The following GRB10 variants were observed in gnomAD, a reference collection of about 807,000 sequenced individuals.
GRB10 encodes the protein growth factor receptor-bound protein 10.
In GRB10, 20 loss-of-function variants were observed where a neutral mutation model predicts 80.9. The ratio of observed to expected loss-of-function variants is 0.25; its 90% CI spans 0.17 to 0.36. The LOEUF (loss-of-function observed/expected upper bound fraction) is 0.36, where lower values mean the gene tolerates loss of function less well. Ranked by LOEUF, GRB10 falls within the 10% of genes least tolerant of loss-of-function variation. The probability of loss-of-function intolerance (pLI) is 1.00; values close to 1 mark genes in which losing one functional copy is unlikely to be tolerated. For missense variants in GRB10, 548 were observed against 747.7 expected, an observed-to-expected ratio of 0.73 and a Z score of 3.12; for synonymous variants, 291 against 291.5, an observed-to-expected ratio of 1.00 and a Z score of 0.02.
At chr7:50,651,950 G>A (rs532212843) in intron 7 of GRB10, among the ~76,000 whole-genome samples, 73 of 152,288 alleles carry the variant, frequency 4.8e-4, no homozygotes, top group African/African-American at 1.7e-3. Context: ...CCCTGCTGAC[G>A]ACCCTCACTG....
chr7:50,737,627 T>A (rs2071030181), intron 3 of GRB10, among the ~76,000 whole-genome samples: 1 of 152,202 alleles, frequency 6.6e-6, no homozygotes, highest in Non-Finnish European at 1.5e-5. Flanking sequence ...GGCAGGTGGA[T>A]CACCTGAGGT....
intron 5 of GRB10, among the ~76,000 whole-genome samples, chr7:50,678,242 C>A (rs1008274034): frequency 2.0e-5 from 3 of 152,192 alleles, no homozygotes; most frequent in Non-Finnish European, 4.4e-5. Flanking sequence ...AATATAAACA[C>A]AACACATATC....
intron 2 of GRB10, among the ~76,000 whole-genome samples, chr7:50,771,118 T>C (rs988006976): frequency 1.3e-5 from 2 of 152,216 alleles, no homozygotes; most frequent in Admixed American, 1.3e-4. Flanking sequence ...TCTTAGTTTT[T>C]ATGGAGTAAG....
intron 7 of GRB10, among the ~76,000 whole-genome samples, chr7:50,661,779 C>T (rs75610937): frequency 0.021 from 3,230 of 152,288 alleles, 50 homozygotes; most frequent in Middle Eastern, 0.041. Flanking sequence ...GCCCTTGCCA[C>T]CACTTCACAT....
At chr7:50,756,296 C>T (rs2075075490) in intron 2 of GRB10, among the ~76,000 whole-genome samples, 1 of 152,246 alleles carries the variant, frequency 6.6e-6, no homozygotes, top group Non-Finnish European at 1.5e-5. Context: ...GCTCTACGCT[C>T]ACTGCCCACA....
intron 17 of GRB10, among the ~76,000 whole-genome samples, chr7:50,597,069 C>A (rs1190157910): frequency 6.6e-6 from 1 of 152,160 alleles, no homozygotes; most frequent in Non-Finnish European, 1.5e-5. Context: ...AGATGGAAAG[C>A]AGTTAAATAA....
rs555527058 is a variant in GRB10 at position 50,748,941 on chromosome 7, A to C, written c.-47+6946T>G. Among the ~76,000 whole-genome samples, 8 of 152,298 alleles carry C rather than the reference A, an allele frequency of 5.3e-5. No homozygotes were observed. In the South Asian group the frequency reaches 1.7e-3, roughly 32 times the overall value. On this transcript the variant is annotated intron_variant, in intron 3 of 18. Coordinates refer to ENST00000401949, the MANE Select transcript of GRB10 (RefSeq NM_001350814.2). ...AAATCAGAACCTCTACTTTATAAAGAGGTGCTACATTAAAAGACATATTAA... is the reference window on the plus strand; with the variant it reads ...AAATCAGAACCTCTACTTTATAAAGCGGTGCTACATTAAAAGACATATTAA...
intron 3 of GRB10, among the ~76,000 whole-genome samples, chr7:50,735,724 A>T (rs975352841): frequency 3.9e-5 from 6 of 152,246 alleles, no homozygotes; most frequent in Admixed American, 6.5e-5. Context: ...GATTTAAAAA[A>T]TTTTATTAAA....
chr7:50,655,197 G>C (rs765948452), intron 7 of GRB10, among the ~76,000 whole-genome samples: 4 of 152,096 alleles, frequency 2.6e-5, no homozygotes, highest in Non-Finnish European at 5.9e-5. Flanking sequence ...TGTCCCCCTG[G>C]GTGCCACAGC....
chr7:50,678,994 A>G (rs911945611), intron 5 of GRB10, among the ~76,000 whole-genome samples: 1 of 152,244 alleles, frequency 6.6e-6, no homozygotes, highest in Non-Finnish European at 1.5e-5. Context: ...ACTGGGAGGA[A>G]TAGTGAAAGG....
chr7:50,740,896 T>G (rs1012265136), intron 3 of GRB10, among the ~76,000 whole-genome samples: 9 of 149,012 alleles, frequency 6.0e-5, no homozygotes, highest in Non-Finnish European at 8.9e-5. Flanking sequence ...AAAGACAGAA[T>G]GGACAGATAT....
chr7:50,668,993 G>C (rs763070078), intron 7 of GRB10, among the ~76,000 whole-genome samples: 3 of 152,144 alleles, frequency 2.0e-5, no homozygotes, highest in Admixed American at 6.5e-5. Context: ...TTCTGCTTTC[G>C]GCAGATCATA....
At chr7:50,704,033 CT>C in intron 4 of GRB10, 125 bp from the exon 5 acceptor site, 1 of 680,324 alleles carries the variant, frequency 1.5e-6, no homozygotes, top group Non-Finnish European at 2.7e-6. Flanking sequence ...CACTTACTTA[CT>C]TTTTCCATTT....
At chr7:50,637,438 A>ACC (rs774491743) in intron 7 of GRB10, among the ~76,000 whole-genome samples, 6 of 145,076 alleles carry the variant, frequency 4.1e-5, no homozygotes, top group African/African-American at 1.7e-4. Flanking sequence ...TAAAATGGCC[A>ACC]CACACACACA....
chr7:50,750,963 A>G (rs1238224043), intron 3 of GRB10, among the ~76,000 whole-genome samples: 1 of 152,238 alleles, frequency 6.6e-6, no homozygotes, highest in African/African-American at 2.4e-5. Context: ...GAGTGGAGTC[A>G]ATAAATAAGG....
chr7:50,785,227 T>C (rs537191104), upstream of GRB10, among the ~76,000 whole-genome samples: 209 of 152,272 alleles, frequency 1.4e-3, no homozygotes, highest in Non-Finnish European at 7.2e-4. Flanking sequence ...AGTTAAATGC[T>C]CACTCACACA....
intron 5 of GRB10, among the ~76,000 whole-genome samples, chr7:50,676,295 C>G (rs1212550769): frequency 6.8e-6 from 1 of 146,644 alleles, no homozygotes; most frequent in Non-Finnish European, 1.5e-5. Flanking sequence ...CTTAAGAGTC[C>G]TCAACTCTAA....
intron 3 of GRB10, among the ~76,000 whole-genome samples, chr7:50,746,608 G>A (rs1200133611): frequency 6.6e-6 from 1 of 152,148 alleles, no homozygotes; most frequent in Non-Finnish European, 1.5e-5. Context: ...ACTACCTGCA[G>A]ACCCTCCCTG....
At chr7:50,605,446 T>A (rs1429287791) in intron 14 of GRB10, 40 bp from the exon 15 acceptor site, 3 of 1,476,348 alleles carry the variant, frequency 2.0e-6, no homozygotes, top group Non-Finnish European at 2.8e-6. Context: ...TGCAGGGAAA[T>A]AAGGCAGAGT....
Sources: gnomAD v4.1 joint callset for allele counts (sites outside exome capture counted in the v4.1 genomes callset) on GRCh38, gnomAD v4.1.1 for gene constraint, MANE v1.5 for transcripts, NCBI Gene and HGNC (gene_info 2026-07-23, HGNC 2026-07-21) for gene names.